Variants in SORCS3 observed in about 807,000 individuals in gnomAD.
SORCS3 encodes the protein sortilin related VPS10 domain containing receptor 3.
A neutral mutation model predicts 146.3 loss-of-function variants in SORCS3; 57 were observed. The ratio of observed to expected loss-of-function variants is 0.39; its 90% confidence interval spans 0.31 to 0.49. The LOEUF (loss-of-function observed/expected upper bound fraction) is 0.49. SORCS3 is among the 20% of genes least tolerant of loss of function. The pLI, the probability that SORCS3 is intolerant of heterozygous loss-of-function variation, is 0.92. For missense variants in SORCS3, 1,341 were observed against 1,575.5 expected, an observed-to-expected ratio of 0.85 and a Z score of 2.52; for synonymous variants, 653 against 618.5, an observed-to-expected ratio of 1.06 and a Z score of -0.83.
intron 12 of SORCS3, 125 bp from the exon 13 acceptor site, chr10:105,167,133 C>G: frequency 1.5e-6 from 1 of 679,876 alleles, no homozygotes; most frequent in Non-Finnish European, 2.5e-6. Context: ...CAAAAACTAT[C>G]TGATAGTGCT....
intron 4 of SORCS3, among the ~76,000 whole-genome samples, chr10:105,006,786 G>T (rs2055098859): frequency 1.3e-5 from 2 of 152,088 alleles, no homozygotes; most frequent in South Asian, 4.1e-4. Flanking sequence ...ACATCTTTTT[G>T]GAAATGCCTT....
chr10:105,237,293 A>G (rs901156853), intron 20 of SORCS3, among the ~76,000 whole-genome samples: 3 of 152,108 alleles, frequency 2.0e-5, no homozygotes, highest in Admixed American at 6.5e-5. Context: ...TTTGAGTCTC[A>G]GTTTTATTGT....
chr10:105,104,075 AT>A (rs11348183), intron 6 of SORCS3, among the ~76,000 whole-genome samples: 17,058 of 152,080 alleles, frequency 0.11, 1,059 homozygotes, highest in East Asian at 0.17. Flanking sequence ...ATTGTTATAC[AT>A]TTTTTTCTGT....
At chr10:104,758,674 G>A (rs1049206642) in intron 1 of SORCS3, among the ~76,000 whole-genome samples, 3 of 152,118 alleles carry the variant, frequency 2.0e-5, no homozygotes, top group African/African-American at 7.2e-5. Flanking sequence ...GACCTTGCAG[G>A]GTCATTGAGG....
chr10:105,259,267 C>T (rs183818741), intron 25 of SORCS3, among the ~76,000 whole-genome samples: 43 of 152,326 alleles, frequency 2.8e-4, no homozygotes, highest in African/African-American at 6.0e-4. Context: ...GGCCATTAAA[C>T]GCTCTGTTGA....
chr10:105,014,408 A>G (rs534543057), intron 4 of SORCS3, among the ~76,000 whole-genome samples: 1 of 152,060 alleles, frequency 6.6e-6, no homozygotes, highest in South Asian at 2.1e-4. Flanking sequence ...CATAAGATGA[A>G]TGTATATAAT....
chr10:105,152,587 G>C lies in SORCS3; in HGVS notation c.1483-4551G>C, dbSNP rs541916264. On this transcript the variant is annotated intron_variant, in intron 9 of 26. Transcript: ENST00000369701. The stretch of plus-strand genomic sequence containing the variant: ...AAAAAAAGAAGATTCACATACCCAA[G>C]TTATTCTCAACAAACTTAAAAGTTT... Among the ~76,000 whole-genome samples, 4 of 152,188 alleles carry C rather than the reference G, an allele frequency of 2.6e-5. No homozygotes were observed. The South Asian group carries it at 8.3e-4, about 32-fold the overall frequency.
chr10:105,010,632 T>C (rs2055129338), intron 4 of SORCS3, among the ~76,000 whole-genome samples: 1 of 152,146 alleles, frequency 6.6e-6, no homozygotes, highest in South Asian at 2.1e-4. Context: ...TAGCAACCAG[T>C]GCACACAGAC....
chr10:105,180,095 C>T (rs74157459), intron 14 of SORCS3, among the ~76,000 whole-genome samples: 2,807 of 152,220 alleles, frequency 0.018, 83 homozygotes, highest in African/African-American at 0.059. Context: ...CTTGTTAGAA[C>T]TTAGGAGATT....
intron 2 of SORCS3, among the ~76,000 whole-genome samples, chr10:104,909,192 T>C (rs902567254): frequency 6.6e-6 from 1 of 152,122 alleles, no homozygotes; most frequent in Non-Finnish European, 1.5e-5. Flanking sequence ...AGTTGAGTAG[T>C]TGTGGCGGAG....
intron 1 of SORCS3, among the ~76,000 whole-genome samples, chr10:104,695,959 A>G (rs1253447005): frequency 6.9e-6 from 1 of 144,078 alleles, no homozygotes; most frequent in Non-Finnish European, 1.5e-5. Flanking sequence ...TATATATTAT[A>G]TACACATATA....
chr10:104,899,244 A>G (rs1468899503), intron 2 of SORCS3, among the ~76,000 whole-genome samples: 2 of 152,232 alleles, frequency 1.3e-5, no homozygotes, highest in Non-Finnish European at 2.9e-5. Context: ...TATAGTTTTT[A>G]AACAGAGAAT....
chr10:105,216,366 T>C (rs964396787), intron 18 of SORCS3, among the ~76,000 whole-genome samples: 1 of 152,046 alleles, frequency 6.6e-6, no homozygotes, highest in Admixed American at 6.6e-5. Flanking sequence ...ATAGGAGCAA[T>C]TACAACTATA....
intron 1 of SORCS3, among the ~76,000 whole-genome samples, chr10:104,643,781 G>A (rs1418170089): frequency 6.6e-6 from 1 of 151,344 alleles, no homozygotes; most frequent in Non-Finnish European, 1.5e-5. Context: ...TGGATGGATG[G>A]ATAGGATGTG....
chr10:104,925,993 G>A (rs764048796), intron 3 of SORCS3, among the ~76,000 whole-genome samples: 3 of 152,220 alleles, frequency 2.0e-5, no homozygotes, highest in Non-Finnish European at 4.4e-5. Flanking sequence ...CAGAAAGATT[G>A]TTACTACTGG....
chr10:104,886,449 G>C (rs1400402970), intron 2 of SORCS3, among the ~76,000 whole-genome samples: 1 of 151,922 alleles, frequency 6.6e-6, no homozygotes, highest in Non-Finnish European at 1.5e-5. Flanking sequence ...GTTCAGAATA[G>C]GCAGATACAC....
At chr10:105,035,992 C>T (rs1226566917) in intron 4 of SORCS3, among the ~76,000 whole-genome samples, 2 of 152,062 alleles carry the variant, frequency 1.3e-5, no homozygotes, top group African/African-American at 2.4e-5. Flanking sequence ...TGTCTCTTTC[C>T]CTTCTACTTG....
intron 1 of SORCS3, among the ~76,000 whole-genome samples, chr10:104,656,569 T>G (rs1184168889): frequency 6.6e-6 from 1 of 151,488 alleles, no homozygotes; most frequent in Non-Finnish European, 1.5e-5. Context: ...GAGGCTGAGG[T>G]GGGAGGATCA....
intron 3 of SORCS3, among the ~76,000 whole-genome samples, chr10:104,934,253 C>T (rs1054247558): frequency 4.6e-5 from 7 of 152,158 alleles, no homozygotes; most frequent in African/African-American, 1.7e-4. Context: ...TCCCAGACCT[C>T]ATCTACCATG....
Sources: gnomAD v4.1 joint callset for allele counts (sites outside exome capture counted in the v4.1 genomes callset) on GRCh38, gnomAD v4.1.1 for gene constraint, MANE v1.5 for transcripts, NCBI Gene and HGNC (gene_info 2026-07-23, HGNC 2026-07-21) for gene names.